The following RRM2 variants were observed in gnomAD, a reference collection of about 807,000 sequenced individuals.
RRM2 encodes ribonucleotide reductase regulatory subunit M2, also known as ribonucleoside-diphosphate reductase subunit M2.
In RRM2, 6 loss-of-function variants were observed where a neutral mutation model predicts 45.9. The ratio of observed to expected loss-of-function variants is 0.13; its 90% CI spans 0.07 to 0.26. The LOEUF (loss-of-function observed/expected upper bound fraction) is 0.26, where lower values mean the gene tolerates loss of function less well. Among genes scored for constraint, RRM2 ranks in the 10% least tolerant of loss-of-function variants. RRM2 has a pLI of 1.00. For missense variants in RRM2, 343 were observed against 489.5 expected (o/e 0.70, Z 2.82); for synonymous variants, 177 against 173.0 (o/e 1.02, Z -0.18).
At chr2:10,143,528 A>G (rs2125312622) in intron 3 of RRM2, among the ~76,000 whole-genome samples, 1 of 152,352 alleles carries the variant, frequency 6.6e-6, no homozygotes, top group Non-Finnish European at 1.5e-5. Context: ...TGTTGAATGA[A>G]TGAGCGAGTG....
rs754914769 is a variant in RRM2 at position 10,147,280 on chromosome 2, T to TTTTTG, written n.482+4920_482+4924dup. 4.0e-5 allele frequency among the ~76,000 whole-genome samples: 6 copies of TTTTTG among 151,442 alleles called. No homozygotes were observed. In the East Asian group the frequency reaches 5.9e-4, roughly 15 times the overall value. ...TTCTTTATTTAAAGATAAGGGTTTT[T>TTTTTG]TTTTGTTTTGTTTTGTTTTTGAGAC... is the stretch of plus-strand genomic sequence containing the variant. On this transcript the variant is annotated intron_variant and non_coding_transcript_variant, in intron 3 of 3. Coordinates refer to the RRM2 transcript ENST00000381786.
Position 10,127,261 on chromosome 2 carries a change from C to T in RRM2, c.798+41C>T. On this transcript the variant is annotated intron_variant, in intron 7 of 9. Transcript: ENST00000304567. The surrounding 1 kb of genome is among the most constrained non-coding windows in gnomAD (Gnocchi z 4.1). The stretch of plus-strand genomic sequence containing the variant: ...ATAATAGGGTGACCTAAACCCCAAA[C>T]ACAACTCGGGCATGCTCTTGTGTTC... 3 of 1,597,616 alleles carry T rather than the reference C, an allele frequency of 1.9e-6. No individual in the cohort carries two copies. The highest frequency in any genetic ancestry group is 1.7e-6 in the Non-Finnish European group (2 of 1,172,394).
At chr2:10,190,883 G>A (rs1233894228) in intron 3 of RRM2, among the ~76,000 whole-genome samples, 2 of 152,146 alleles carry the variant, frequency 1.3e-5, no homozygotes, top group Non-Finnish European at 2.9e-5. Context: ...TGATGGTGAT[G>A]GTGACGATGG....
Position 10,129,553 on chromosome 2 carries a change from T to C in RRM2, c.*167T>C. ...CACAACCAGTCCTGTCTGTTTATAG[T>C]GCTGGTAGTATCACCTTTTGCCAGA... is the stretch of plus-strand genomic sequence containing the variant. On this transcript the variant is annotated 3_prime_UTR_variant, in exon 10 of 10. Transcript: ENST00000304567. The surrounding 1 kb of genome is among the most constrained non-coding windows in gnomAD (Gnocchi z 4.8). 1 of 713,442 alleles carries C rather than the reference T, an allele frequency of 1.4e-6. No individual in the cohort carries two copies. The highest frequency in any genetic ancestry group is 2.3e-6 in the Non-Finnish European group (1 of 437,640). The allele number at this position is 713,442 out of a possible 1,614,324, so 44.2% of individuals were successfully genotyped here.
At chr2:10,156,133 AAGGCAG>A (rs1176675487) in intron 3 of RRM2, 9 of 152,226 alleles carry the variant, frequency 5.9e-5, no homozygotes, top group African/African-American at 2.2e-4. Context: ...GTTAGCCTGT[AAGGCAG>A]GGGTGTCCAA....
At chr2:10,180,042 C>A (rs1241247396) in intron 3 of RRM2, among the ~76,000 whole-genome samples, 1 of 152,148 alleles carries the variant, frequency 6.6e-6, no homozygotes, top group Admixed American at 6.5e-5. Flanking sequence ...GATGATGGAG[C>A]CCTCATGCTG....
At chr2:10,123,913 G>A (rs942546899) in intron 4 of RRM2, 61 bp downstream of exon 4, 18 of 948,574 alleles carry the variant, frequency 1.9e-5, no homozygotes, top group Non-Finnish European at 3.1e-5. Flanking sequence ...GAACTAGTTC[G>A]CTTTCCTCGT....
At chr2:10,199,176 A>G (rs897090037) in intron 3 of RRM2, 11 of 147,570 alleles carry the variant, frequency 7.5e-5, no homozygotes, top group African/African-American at 2.5e-4. Flanking sequence ...TGGGTAGCAC[A>G]CTCTGCCTCA....
In RRM2 at chr2:10,130,844, G is replaced by A. The variant is rs1429865865; in HGVS notation, c.*1458G>A. On this transcript the variant is annotated 3_prime_UTR_variant, in exon 10 of 10. Transcript: ENST00000304567. Reference sequence around the variant, plus strand: ...GGAGTTTCACCATATTGGTCAGGCTGGTCTTGAACTCCTGACCTCAGGTGA... The same window carrying A: ...GGAGTTTCACCATATTGGTCAGGCTAGTCTTGAACTCCTGACCTCAGGTGA... 1 of 152,038 alleles carries A rather than the reference G, an allele frequency of 6.6e-6. No individual in the cohort carries two copies. Among genetic ancestry groups the A allele is most frequent in the Non-Finnish European group, 1.5e-5 (1 of 68,032 alleles). The allele number at this position is 152,038 out of a possible 1,614,324, so 9.4% of individuals were successfully genotyped here.
At chr2:10,200,396 G>C (rs1299445591) in intron 3 of RRM2, among the ~76,000 whole-genome samples, 1 of 151,604 alleles carries the variant, frequency 6.6e-6, no homozygotes, top group East Asian at 1.9e-4. Context: ...CCTGCACAGG[G>C]ACTGCGCGCA....
intron 5 of RRM2, among the ~76,000 whole-genome samples, chr2:10,125,306 G>A (rs11688399): frequency 6.6e-6 from 1 of 152,180 alleles, no homozygotes; most frequent in African/African-American, 2.4e-5. Flanking sequence ...GACTGATTTA[G>A]GCATGCAGGA....
chr2:10,124,493 A>G (rs1662739877), intron 4 of RRM2, among the ~76,000 whole-genome samples: 2 of 152,216 alleles, frequency 1.3e-5, no homozygotes, highest in African/African-American at 4.8e-5. Context: ...ACATAAATTA[A>G]TTAGGAAATC....
At chr2:10,174,116 C>T (rs1663864687) in intron 3 of RRM2, among the ~76,000 whole-genome samples, 1 of 152,190 alleles carries the variant, frequency 6.6e-6, no homozygotes, top group South Asian at 2.1e-4. Context: ...AAGAACCTGC[C>T]ACCTTCTCTC....
chr2:10,140,293 G>A (rs1301341941), upstream of RRM2, among the ~76,000 whole-genome samples: 1 of 152,178 alleles, frequency 6.6e-6, no homozygotes, highest in Non-Finnish European at 1.5e-5. Context: ...CGTGTTGCAT[G>A]AAGATTCTAT....
Position 10,172,029 on chromosome 2 carries a change from C to T in RRM2, n.482+29654C>T, listed in dbSNP as rs191577482. 6.6e-6 allele frequency among the ~76,000 whole-genome samples: 1 copy of T among 152,238 alleles called. No homozygotes were observed. The highest frequency in any genetic ancestry group is 1.9e-4 in the East Asian group (1 of 5,182). On this transcript the variant is annotated intron_variant and non_coding_transcript_variant, in intron 3 of 3. Coordinates refer to the RRM2 transcript ENST00000381786. This position sits in a 1 kb window ranked among gnomAD's most constrained non-coding sequence, Gnocchi z 4.9. ...TGCTAGTCCAGGCCGGGCCAGCGCC[C>T]AAGGATGAGGGGAAGCACAGCTCCT...
In RRM2 at chr2:10,142,503, A is replaced by G. The variant is rs1004592409; in HGVS notation, n.482+128A>G. On this transcript the variant is annotated intron_variant and non_coding_transcript_variant, in intron 3 of 3. Coordinates refer to the RRM2 transcript ENST00000381786. ...CCCACGCACCCCTGCCAGGTCGGAAATCCAGGTACTGCCAGCCTCTGCCGT... is the reference window on the plus strand; with the variant it reads ...CCCACGCACCCCTGCCAGGTCGGAAGTCCAGGTACTGCCAGCCTCTGCCGT... The G allele has an allele frequency of 2.1e-5, 20 of 959,622 alleles. No individual in the cohort carries two copies. The African/African-American group carries it at 3.2e-4, about 15-fold the overall frequency. The allele number at this position is 959,622 out of a possible 1,614,324, so 59.4% of individuals were successfully genotyped here.
intron 3 of RRM2, among the ~76,000 whole-genome samples, chr2:10,160,658 C>G (rs141431511): frequency 6.6e-6 from 1 of 152,204 alleles, no homozygotes; most frequent in African/African-American, 2.4e-5. Context: ...CAGGACCACC[C>G]GTGCAGACCA....
intron 3 of RRM2, among the ~76,000 whole-genome samples, chr2:10,188,311 G>A (rs1429991717): frequency 6.6e-6 from 1 of 152,220 alleles, no homozygotes; most frequent in Admixed American, 6.5e-5. Context: ...TAGTCTCATG[G>A]TTCTGGTGTC....
Position 10,169,184 on chromosome 2 carries a change from G to A in RRM2, n.482+26809G>A, listed in dbSNP as rs1369632759. On this transcript the variant is annotated intron_variant and non_coding_transcript_variant, in intron 3 of 3. Coordinates refer to the RRM2 transcript ENST00000381786. The surrounding 1 kb of genome is among the most constrained non-coding windows in gnomAD (Gnocchi z 5.1). ...TTTTGTAGAGATGGGGTCTCACAGT[G>A]TTGCCCAGGCTAGTTTTGAACTCCC... is the stretch of plus-strand genomic sequence containing the variant. Among the ~76,000 whole-genome samples, 2 of 146,464 alleles carry A rather than the reference G, an allele frequency of 1.4e-5. No homozygotes were observed. The highest frequency in any genetic ancestry group is 3.0e-5 in the Non-Finnish European group (2 of 67,012).
Sources: allele counts gnomAD v4.1 joint callset (sites outside exome capture counted in the v4.1 genomes callset), GRCh38; gene constraint gnomAD v4.1.1; non-coding constraint Gnocchi (gnomAD v3.1); transcripts MANE v1.5; gene names NCBI Gene and HGNC (gene_info 2026-07-23, HGNC 2026-07-21).